FGF13: variants seen among roughly 807,000 people sequenced by gnomAD.
FGF13 encodes the protein fibroblast growth factor homologous factor 2.
Under a neutral mutation model 19.5 loss-of-function variants are expected in FGF13, and 2 were observed. The observed-to-expected ratio is 0.10, with a 90% CI of 0.04 to 0.32. The LOEUF (loss-of-function observed/expected upper bound fraction) is 0.32, where lower values mean the gene tolerates loss of function less well. Ranked by LOEUF, FGF13 falls within the 10% of genes least tolerant of loss-of-function variation. The pLI is 1.00. For synonymous variants in FGF13, 72 were observed against 76.9 expected, an observed-to-expected ratio of 0.94 and a Z score of 0.33; for missense variants, 113 against 192.7, an observed-to-expected ratio of 0.59 and a Z score of 2.45.
chrX:138,869,679 T>A (rs2091347758), intron 1 of FGF13, among the ~76,000 whole-genome samples: 1 of 112,607 alleles, frequency 8.9e-6, no homozygotes, highest in Admixed American at 9.4e-5. Flanking sequence ...CCTTAGATAC[T>A]TAAAAGAAGC....
intron 1 of FGF13, among the ~76,000 whole-genome samples, chrX:139,107,051 C>T (rs780774468): frequency 6.3e-5 from 7 of 111,268 alleles, no homozygotes; most frequent in Non-Finnish European, 9.4e-5. Flanking sequence ...ATGTATGAGA[C>T]CCTGGGGATA....
chrX:138,750,183 C>G (rs1001044738), intron 3 of FGF13, among the ~76,000 whole-genome samples: 1 of 111,086 alleles, frequency 9.0e-6, no homozygotes, highest in African/African-American at 3.3e-5. Flanking sequence ...GATTGGGCAA[C>G]AGGATGGTTG....
At chrX:139,202,262 C>G (rs1177280815) in intron 1 of FGF13, among the ~76,000 whole-genome samples, 2 of 111,923 alleles carry the variant, frequency 1.8e-5, no homozygotes, top group African/African-American at 3.3e-5. Flanking sequence ...CAGAAACAAA[C>G]GAGAAATACT....
chrX:139,086,107 G>A (rs2083401989), intron 1 of FGF13, among the ~76,000 whole-genome samples: 1 of 111,773 alleles, frequency 8.9e-6, no homozygotes, highest in African/African-American at 3.3e-5. Context: ...AACTTTCAGG[G>A]TTTTGTTTTT....
At chrX:138,973,842 A>G (rs771238618) in intron 1 of FGF13, among the ~76,000 whole-genome samples, 8 of 111,961 alleles carry the variant, frequency 7.1e-5, no homozygotes, top group Non-Finnish European at 1.3e-4. Context: ...TTTGCAAAAA[A>G]TATCTTTTCT....
At chrX:138,946,691 T>A (rs1048723437) in intron 1 of FGF13, among the ~76,000 whole-genome samples, 11 of 112,083 alleles carry the variant, frequency 9.8e-5, no homozygotes, top group African/African-American at 3.6e-4. Context: ...AACACCATCA[T>A]CATTTTTAAA....
chrX:138,825,993 T>A lies in FGF13; in HGVS notation c.217+31519A>T, dbSNP rs1196552776. Among the ~76,000 whole-genome samples the A allele has an allele frequency of 2.7e-5, 3 of 111,492 alleles. No homozygotes were observed. In the Admixed American group the frequency reaches 2.9e-4, roughly 11 times the overall value. ...AGTTCAGCTACACTGGGACAACCTA[T>A]GAGGACGTCTAGACCTCCAATTATG... On this transcript the variant is annotated intron_variant, in intron 3 of 6. Transcript: ENST00000436198.
intron 1 of FGF13, among the ~76,000 whole-genome samples, chrX:139,150,602 G>A (rs1319476090): frequency 9.0e-6 from 1 of 111,632 alleles, no homozygotes; most frequent in Non-Finnish European, 1.9e-5. Context: ...AGTAGGCTGA[G>A]TCCACCTGCA....
upstream of FGF13, among the ~76,000 whole-genome samples, chrX:138,712,611 G>A (rs1486124027): frequency 1.8e-5 from 2 of 111,728 alleles, no homozygotes; most frequent in African/African-American, 6.5e-5. Context: ...AGAAAGAAGA[G>A]GTTTTGAGGC....
intron 1 of FGF13, among the ~76,000 whole-genome samples, chrX:139,102,593 C>T (rs2083522762): frequency 8.9e-6 from 1 of 112,300 alleles, no homozygotes; most frequent in Non-Finnish European, 1.9e-5. Context: ...CAGCACATAA[C>T]AATGCCTAGG....
intron 3 of FGF13, among the ~76,000 whole-genome samples, chrX:138,809,073 G>T (rs1267977246): frequency 8.9e-6 from 1 of 111,876 alleles, no homozygotes; most frequent in Admixed American, 9.5e-5. Flanking sequence ...GAAAAAGAGG[G>T]AATCCTCCCT....
At chrX:139,189,358 T>G (rs1228485411) in intron 1 of FGF13, among the ~76,000 whole-genome samples, 1 of 111,894 alleles carries the variant, frequency 8.9e-6, no homozygotes, top group Non-Finnish European at 1.9e-5. Flanking sequence ...GCAGCATTAT[T>G]CACAAGAGTC....
At chrX:139,026,528 G>C (rs755813369) in intron 1 of FGF13, among the ~76,000 whole-genome samples, 3 of 111,880 alleles carry the variant, frequency 2.7e-5, no homozygotes, top group Non-Finnish European at 5.6e-5. Flanking sequence ...AAGCATATCA[G>C]TTCAACCAAT....
At chrX:138,776,785 G>A (rs772258288) in intron 3 of FGF13, among the ~76,000 whole-genome samples, 15 of 111,206 alleles carry the variant, frequency 1.3e-4, no homozygotes, top group Admixed American at 1.3e-3. Flanking sequence ...TTGGGACCTC[G>A]CTCTGTTGAC....
intron 3 of FGF13, among the ~76,000 whole-genome samples, chrX:138,812,022 T>A (rs181300706): frequency 9.1e-6 from 1 of 110,068 alleles, no homozygotes; most frequent in East Asian, 2.9e-4. Flanking sequence ...TTTTAGAATG[T>A]TTTCAACACC....
At position 139,120,590 on chromosome X, in the gene FGF13, C is replaced by T. The variant is rs191289315; in HGVS notation, c.-113+82826G>A. Among the ~76,000 whole-genome samples, 17 of 112,157 alleles carry T rather than the reference C, an allele frequency of 1.5e-4. No individual in the cohort carries two copies. In the East Asian group the frequency reaches 4.8e-3, roughly 32 times the overall value. The stretch of plus-strand genomic sequence containing the variant: ...CTAACCAGTGATAAGCTGTCTGGGG[C>T]CTCCCAAGCTGGGTCCATTATTAAA... On this transcript the variant is annotated intron_variant, in intron 1 of 2. Transcript: ENST00000421460.
rs770869076 is a variant in FGF13 at position 138,904,314 on chromosome X, C to T, written c.-112-39664G>A. On this transcript the variant is annotated intron_variant, in intron 1 of 2. Coordinates refer to the FGF13 transcript ENST00000421460. ...GTGTATCGTGGTTGTGTGGGGTGGG[C>T]GAGGGGGGCAGTATCTTTTAAATGA... Among the ~76,000 whole-genome samples, 4 of 110,472 alleles carry T rather than the reference C, an allele frequency of 3.6e-5. No individual in the cohort carries two copies. The East Asian group carries it at 1.1e-3, about 32-fold the overall frequency.
rs745765348 is a variant in FGF13, at chrX:139,179,240, CCTT to C, written c.-113+24173_-113+24175del. Among the ~76,000 whole-genome samples, 7 of 111,563 alleles carry C rather than the reference CCTT, an allele frequency of 6.3e-5. No individual in the cohort carries two copies. The South Asian group carries it at 2.6e-3, about 42-fold the overall frequency. Reference sequence around the variant, plus strand: ...TAAAGCAACACACCCCAATGTGGTCCCTTCTTATTTTAGTACTTTGTTCACTCT... The same window carrying C: ...TAAAGCAACACACCCCAATGTGGTCCCTTATTTTAGTACTTTGTTCACTCT... On this transcript the variant is annotated intron_variant, in intron 1 of 2. Transcript: ENST00000421460.
rs1466025918 is a variant in FGF13 at position 138,829,208 on chromosome X, G to C, written c.217+28304C>G. Among the ~76,000 whole-genome samples the C allele has an allele frequency of 5.4e-5, 6 of 111,746 alleles. No homozygotes were observed. In the East Asian group the frequency reaches 1.7e-3, roughly 32 times the overall value. On this transcript the variant is annotated intron_variant, in intron 3 of 6. Transcript: ENST00000436198. The stretch of plus-strand genomic sequence containing the variant: ...TGCTGCTATAGTTTGGGTATGGTTT[G>C]TTTGTCCCCACTAAATCTCATATTA...
Sources: gnomAD v4.1 joint callset for allele counts (sites outside exome capture counted in the v4.1 genomes callset) on GRCh38, gnomAD v4.1.1 for gene constraint, MANE v1.5 for transcripts, NCBI Gene and HGNC (gene_info 2026-07-23, HGNC 2026-07-21) for gene names.